Variants in STK32B observed in about 807,000 individuals in gnomAD.
STK32B encodes serine/threonine-protein kinase 32B.
A neutral mutation model predicts 52.6 loss-of-function variants in STK32B; 43 were observed. The ratio of observed to expected loss-of-function variants is 0.82; its 90% CI spans 0.64 to 1.05. STK32B has a LOEUF of 1.05. Ranked by LOEUF, STK32B falls within the 50% of genes least tolerant of loss-of-function variation. The pLI, the probability that STK32B is intolerant of heterozygous loss-of-function variation, is 0.00. For synonymous variants in STK32B, 238 were observed against 204.3 expected (o/e 1.17, Z -1.41); for missense variants, 621 against 534.6 (o/e 1.16, Z -1.59).
chr4:5,367,535 T>C (rs13435367), intron 4 of STK32B, among the ~76,000 whole-genome samples: 7,809 of 152,174 alleles, frequency 0.051, 300 homozygotes, highest in African/African-American at 0.1. Context: ...GAATGGAGCA[T>C]AGGGCTGGAA....
intron 6 of STK32B, among the ~76,000 whole-genome samples, chr4:5,425,540 CAT>C (rs1713018495): frequency 6.6e-6 from 1 of 152,180 alleles, no homozygotes; most frequent in African/African-American, 2.4e-5. Context: ...ACTGAAAACA[CAT>C]GTGTGAATAA....
chr4:5,436,692 G>T, intron 6 of STK32B: 7 of 983,200 alleles, frequency 7.1e-6, no homozygotes, highest in Non-Finnish European at 8.5e-6. Context: ...GAATCACGCA[G>T]AATTGGCAGC....
intron 3 of STK32B, among the ~76,000 whole-genome samples, chr4:5,318,061 A>G (rs114638477): frequency 1.3e-5 from 2 of 152,076 alleles, no homozygotes; most frequent in Admixed American, 6.5e-5. Context: ...TGGTAGAGAA[A>G]GTCTTGGCTC....
At chr4:5,492,501 T>C (rs1719823808) in intron 11 of STK32B, among the ~76,000 whole-genome samples, 2 of 152,008 alleles carry the variant, frequency 1.3e-5, no homozygotes, top group Non-Finnish European at 2.9e-5. Flanking sequence ...TTTCTAGATA[T>C]ACAATCATGT....
chr4:5,053,673 C>T (rs1264498934), intron 1 of STK32B, among the ~76,000 whole-genome samples: 2 of 152,084 alleles, frequency 1.3e-5, no homozygotes, highest in East Asian at 1.9e-4. Flanking sequence ...CTGCCTGTTT[C>T]GGTGCTTGTT....
At chr4:5,252,112 T>A (rs28482001) in intron 3 of STK32B, among the ~76,000 whole-genome samples, 12,771 of 152,232 alleles carry the variant, frequency 0.084, 790 homozygotes, top group African/African-American at 0.17. Flanking sequence ...GATGTCTCAG[T>A]TGAGGAGCTC....
At chr4:5,329,474 G>A (rs1379474278) in intron 3 of STK32B, among the ~76,000 whole-genome samples, 1 of 152,106 alleles carries the variant, frequency 6.6e-6, no homozygotes, top group Non-Finnish European at 1.5e-5. Flanking sequence ...AACCCCTCAT[G>A]GGTAAAGACT....
At chr4:5,088,268 A>G (rs1046253709) in intron 1 of STK32B, among the ~76,000 whole-genome samples, 1 of 152,104 alleles carries the variant, frequency 6.6e-6, no homozygotes, top group Non-Finnish European at 1.5e-5. Context: ...CATATATCAT[A>G]GATTTGTGGG....
chr4:5,284,348 C>CT, intron 3 of STK32B, among the ~76,000 whole-genome samples: 1 of 152,014 alleles, frequency 6.6e-6, no homozygotes, highest in East Asian at 1.9e-4. Flanking sequence ...AACTTTAACT[C>CT]TAAAAACTAG....
intron 11 of STK32B, among the ~76,000 whole-genome samples, chr4:5,493,946 G>T (rs1186882789): frequency 6.6e-6 from 1 of 152,272 alleles, no homozygotes; most frequent in Non-Finnish European, 1.5e-5. Flanking sequence ...CTGAGAGACA[G>T]TTTGTTATAA....
chr4:5,071,231 C>T lies in STK32B; in HGVS notation c.52+19316C>T, dbSNP rs183787144. On this transcript the variant is annotated intron_variant, in intron 1 of 11. Coordinates refer to ENST00000282908, the MANE Select transcript of STK32B (RefSeq NM_018401.3). Reference sequence around the variant, plus strand: ...TGGTTTGGCAGGGGAAGAAATTGGTCGCCAGGAAAACATGTTACTCCACAA... The same window carrying T: ...TGGTTTGGCAGGGGAAGAAATTGGTTGCCAGGAAAACATGTTACTCCACAA... Among the ~76,000 whole-genome samples, 343 of 152,150 alleles carry T rather than the reference C, an allele frequency of 2.3e-3. 9 individuals carry two copies. Among genetic ancestry groups the T allele is most frequent in the Admixed American group, 0.022 (331 of 15,272 alleles).
chr4:5,385,053 G>A (rs190808273), intron 4 of STK32B, among the ~76,000 whole-genome samples: 9 of 152,212 alleles, frequency 5.9e-5, no homozygotes, highest in African/African-American at 1.2e-4. Context: ...TTTTCCGAGC[G>A]TCCACAGGTG....
rs1240291193 is a variant in STK32B, at chr4:5,058,796, G to A, written c.52+6881G>A. ...TAGAATCTCTCTCTCTGTCTCCCAG[G>A]ATGGAGTGCAGTGGCGTGGTATCAG... On this transcript the variant is annotated intron_variant, in intron 1 of 11. Coordinates refer to ENST00000282908, the MANE Select transcript of STK32B (RefSeq NM_018401.3). The surrounding 1 kb of genome is among the most constrained non-coding windows in gnomAD (Gnocchi z 4.8). Among the ~76,000 whole-genome samples, 1 of 151,948 alleles carries A rather than the reference G, an allele frequency of 6.6e-6. No homozygotes were observed. Among genetic ancestry groups the A allele is most frequent in the African/African-American group, 2.4e-5 (1 of 41,382 alleles).
chr4:5,280,990 A>C (rs1363550070), intron 3 of STK32B, among the ~76,000 whole-genome samples: 3 of 152,204 alleles, frequency 2.0e-5, no homozygotes, highest in African/African-American at 7.2e-5. Flanking sequence ...TAATTGACTC[A>C]GTTCTGAAAG....
rs746246839 is a variant in STK32B, at chr4:5,426,692, CAAAAAAAAAA to C, written c.562+9771_562+9780del. On this transcript the variant is annotated intron_variant, in intron 6 of 11. Transcript: ENST00000282908. ...GCAACAGGGCGAGACTCCATCTAAACAAAAAAAAAAAAAAAAAAAAAAGGAAAAGAAAAAA... is the reference window on the plus strand; with the variant it reads ...GCAACAGGGCGAGACTCCATCTAAACAAAAAAAAAAAAGGAAAAGAAAAAA... 6.5e-3 allele frequency among the ~76,000 whole-genome samples: 505 copies of C among 78,046 alleles called. 2 individuals carry two copies. The highest frequency in any genetic ancestry group is 0.022 in the African/African-American group (469 of 21,178). 51.2% of individuals were successfully genotyped at this position (78,046 alleles called of 152,430 possible).
chr4:5,193,213 G>C (rs561114988), intron 3 of STK32B, among the ~76,000 whole-genome samples: 21 of 152,128 alleles, frequency 1.4e-4, no homozygotes, highest in African/African-American at 5.1e-4. Flanking sequence ...AGAGCATGTT[G>C]GAATCCGCTC....
At chr4:5,231,187 C>T (rs746143058) in intron 3 of STK32B, among the ~76,000 whole-genome samples, 3 of 152,188 alleles carry the variant, frequency 2.0e-5, no homozygotes, top group Admixed American at 6.5e-5. Flanking sequence ...ACTTGTTTGA[C>T]ATCTGCCTCC....
At position 5,415,619 on chromosome 4, in the gene STK32B, TC is replaced by T. The variant is rs201250368; in HGVS notation, c.473-1225del. 4.1e-4 allele frequency among the ~76,000 whole-genome samples: 62 copies of T among 152,322 alleles called. No individual in the cohort carries two copies. In the East Asian group the frequency reaches 8.3e-3, roughly 20 times the overall value. ...AAGACCTGGTTGGGTGACTTCAGCT[TC>T]ATCCACAAGTATCTGAAGAGTATTA... On this transcript the variant is annotated intron_variant, in intron 5 of 11. Transcript: ENST00000282908.
intron 1 of STK32B, among the ~76,000 whole-genome samples, chr4:5,052,537 G>C (rs1403584817): frequency 6.6e-6 from 1 of 152,100 alleles, no homozygotes; most frequent in Non-Finnish European, 1.5e-5. Context: ...GGATCCTTGC[G>C]GTTCAGGTCG....
Sources: allele counts gnomAD v4.1 joint callset (sites outside exome capture counted in the v4.1 genomes callset), GRCh38; gene constraint gnomAD v4.1.1; non-coding constraint Gnocchi (gnomAD v3.1); transcripts MANE v1.5; gene names NCBI Gene and HGNC (gene_info 2026-07-23, HGNC 2026-07-21).